The following DIAPH2 variants were observed in gnomAD, a reference collection of about 807,000 sequenced individuals.
DIAPH2 encodes protein diaphanous homolog 2.
In DIAPH2, 35 loss-of-function variants were observed where a neutral mutation model predicts 92.7. The ratio of observed to expected loss-of-function variants is 0.38; its 90% CI spans 0.29 to 0.50. The LOEUF (loss-of-function observed/expected upper bound fraction) is 0.50. DIAPH2 is among the 20% of genes least tolerant of loss of function. The pLI, the probability that DIAPH2 is intolerant of heterozygous loss-of-function variation, is 0.94. For synonymous variants in DIAPH2, 301 were observed against 280.4 expected (o/e 1.07, Z -0.73); for missense variants, 701 against 819.5 (o/e 0.86, Z 1.77).
At chrX:97,038,222 TAC>T (rs766723721) in intron 17 of DIAPH2, among the ~76,000 whole-genome samples, 164 of 110,702 alleles carry the variant, frequency 1.5e-3, no homozygotes, top group African/African-American at 5.1e-3. Flanking sequence ...GTATTCCATA[TAC>T]ACACACACAC....
At chrX:97,002,356 A>G (rs1270494980) in intron 17 of DIAPH2, among the ~76,000 whole-genome samples, 1 of 111,145 alleles carries the variant, frequency 9.0e-6, no homozygotes, top group Admixed American at 9.6e-5. Flanking sequence ...AGAGTGGAAC[A>G]CGTATGATCA....
At chrX:97,508,978 A>C (rs1264167592) in intron 26 of DIAPH2, among the ~76,000 whole-genome samples, 1 of 109,268 alleles carries the variant, frequency 9.2e-6, no homozygotes, top group East Asian at 2.8e-4. Flanking sequence ...AAAAAAAAAC[A>C]GATTACCCGA....
At chrX:97,335,240 A>G (rs73550362) in intron 23 of DIAPH2, among the ~76,000 whole-genome samples, 1,538 of 111,396 alleles carry the variant, frequency 0.014, 23 homozygotes, top group African/African-American at 0.048. Context: ...TAAGAGTTCA[A>G]TAAACATTAG....
chrX:97,134,972 G>T (rs1354483528), intron 21 of DIAPH2, among the ~76,000 whole-genome samples: 1 of 111,331 alleles, frequency 9.0e-6, no homozygotes, highest in African/African-American at 3.3e-5. Flanking sequence ...GGTCACCAAA[G>T]ATTAACATCA....
chrX:97,208,861 G>A (rs1463522637), intron 22 of DIAPH2, among the ~76,000 whole-genome samples: 3 of 110,154 alleles, frequency 2.7e-5, no homozygotes, highest in Non-Finnish European at 1.9e-5. Context: ...GTAAGGCAGC[G>A]GTGAGGGGTT....
At chrX:97,168,393 G>C (rs1207831437) in intron 22 of DIAPH2, among the ~76,000 whole-genome samples, 11 of 111,041 alleles carry the variant, frequency 9.9e-5, no homozygotes, top group South Asian at 3.8e-4. Context: ...AGCCTATATA[G>C]TCATTTTTAT....
chrX:97,457,263 C>T (rs2070415875), intron 26 of DIAPH2, among the ~76,000 whole-genome samples: 2 of 112,113 alleles, frequency 1.8e-5, no homozygotes, highest in Admixed American at 1.9e-4. Flanking sequence ...TCAAGTGATC[C>T]ACCCCTCTCC....
chrX:96,967,395 T>C (rs5921016), intron 17 of DIAPH2, among the ~76,000 whole-genome samples: 39 of 105,798 alleles, frequency 3.7e-4, no homozygotes, highest in Non-Finnish European at 5.9e-4. Flanking sequence ...TTTATTTATT[T>C]ATTCATTCAT....
At chrX:96,890,178 A>T (rs1319508038) in intron 5 of DIAPH2, among the ~76,000 whole-genome samples, 3 of 111,329 alleles carry the variant, frequency 2.7e-5, no homozygotes, top group Non-Finnish European at 5.7e-5. Flanking sequence ...GTTCTTGATC[A>T]CTCCTCTGTG....
Position 97,295,722 on chromosome X carries a change from C to A in DIAPH2, c.2844+47883C>A, listed in dbSNP as rs990907058. Among the ~76,000 whole-genome samples, 12 of 98,378 alleles carry A rather than the reference C, an allele frequency of 1.2e-4. No individual in the cohort carries two copies. In the East Asian group the frequency reaches 3.8e-3, roughly 31 times the overall value. The allele number at this position is 98,378 out of a possible 115,157, so 85.4% of individuals were successfully genotyped here. ...CAGTTGCTTGCTAAATTAATACATGCTGTATTTTCTTCTTTTTTTTTTTTT... is the reference window on the plus strand; with the variant it reads ...CAGTTGCTTGCTAAATTAATACATGATGTATTTTCTTCTTTTTTTTTTTTT... On this transcript the variant is annotated intron_variant, in intron 23 of 26. Coordinates refer to ENST00000324765, the MANE Select transcript of DIAPH2 (RefSeq NM_006729.5).
intron 17 of DIAPH2, among the ~76,000 whole-genome samples, chrX:97,011,948 A>G (rs1390995739): frequency 1.9e-5 from 2 of 107,492 alleles, no homozygotes; most frequent in Non-Finnish European, 3.8e-5. Context: ...AGAAGATAGT[A>G]AAGGGTATTT....
chrX:97,229,296 T>C (rs139044173), intron 22 of DIAPH2, among the ~76,000 whole-genome samples: 1,475 of 107,078 alleles, frequency 0.014, 34 homozygotes, highest in African/African-American at 0.046. Flanking sequence ...TTGAATCAAG[T>C]AGTGATATGG....
At chrX:97,443,824 A>T (rs1485129912) in intron 26 of DIAPH2, among the ~76,000 whole-genome samples, 1 of 111,928 alleles carries the variant, frequency 8.9e-6, no homozygotes, top group East Asian at 2.8e-4. Context: ...AACTCAAATC[A>T]TGGTTTGTTC....
chrX:97,327,120 A>G (rs1016777155), intron 23 of DIAPH2, among the ~76,000 whole-genome samples: 2 of 111,810 alleles, frequency 1.8e-5, no homozygotes, highest in Admixed American at 1.9e-4. Context: ...TTTTTTGAAG[A>G]TGGAGTCTCA....
chrX:96,884,826 T>A, intron 5 of DIAPH2: 1 of 1,211,300 alleles, frequency 8.3e-7, no homozygotes, highest in Non-Finnish European at 1.1e-6. Context: ...ATAAAGCCCG[T>A]CGTGATACCA....
chrX:97,270,772 A>G (rs1023452412), intron 23 of DIAPH2, among the ~76,000 whole-genome samples: 2 of 111,063 alleles, frequency 1.8e-5, no homozygotes, highest in Admixed American at 9.7e-5. Flanking sequence ...GACACTACAT[A>G]GACTAAACCT....
At chrX:97,372,892 A>G (rs965480906) in intron 24 of DIAPH2, among the ~76,000 whole-genome samples, 2 of 110,539 alleles carry the variant, frequency 1.8e-5, no homozygotes, top group Non-Finnish European at 3.8e-5. Context: ...CAGGAGAATC[A>G]CTTGAACCCA....
At chrX:97,085,820 T>C (rs2066779258) in intron 19 of DIAPH2, among the ~76,000 whole-genome samples, 1 of 112,172 alleles carries the variant, frequency 8.9e-6, no homozygotes, top group Admixed American at 9.5e-5. Flanking sequence ...AATAAAGAAT[T>C]GCAAAATATA....
intron 23 of DIAPH2, among the ~76,000 whole-genome samples, chrX:97,320,122 T>TAA (rs1252465496): frequency 9.4e-6 from 1 of 106,339 alleles, no homozygotes; most frequent in East Asian, 2.9e-4. Context: ...TATATATATA[T>TAA]AATTGATAAT....
Sources: allele counts gnomAD v4.1 joint callset (sites outside exome capture counted in the v4.1 genomes callset), GRCh38; gene constraint gnomAD v4.1.1; transcripts MANE v1.5; gene names NCBI Gene and HGNC (gene_info 2026-07-23, HGNC 2026-07-21).